The following ROS1 variants were observed in gnomAD, a reference collection of about 807,000 sequenced individuals.
ROS1 encodes proto-oncogene tyrosine-protein kinase ROS.
In ROS1, 263 loss-of-function variants were observed where a neutral mutation model predicts 273.5. That is an observed-to-expected ratio of 0.96 (90% CI 0.87 to 1.06). ROS1 has a LOEUF of 1.06. Among genes scored for constraint, ROS1 ranks in the 50% least tolerant of loss-of-function variants. The pLI is 0.00. For missense variants in ROS1, 2,833 were observed against 2,751.1 expected (o/e 1.03, Z -0.67); for synonymous variants, 1,008 against 954.1 (o/e 1.06, Z -1.04).
chr6:117,292,070 C>T (rs1052143554), intron 43 of ROS1, among the ~76,000 whole-genome samples: 12 of 151,760 alleles, frequency 7.9e-5, no homozygotes, highest in African/African-American at 2.2e-4. Context: ...CCCAGGTTCA[C>T]GCCATTCTCC....
intron 18 of ROS1, among the ~76,000 whole-genome samples, chr6:117,373,352 C>T (rs1343850581): frequency 6.6e-6 from 1 of 152,240 alleles, no homozygotes; most frequent in African/African-American, 2.4e-5. Context: ...CGGCACCCAT[C>T]AGGGAGGCTC....
At position 117,416,335 on chromosome 6, in the gene ROS1, A is replaced by G. The variant is rs1582898599; in HGVS notation, c.169-18T>C. 1 of 1,549,998 alleles carries G rather than the reference A, an allele frequency of 6.5e-7. No homozygotes were observed. The highest frequency in any genetic ancestry group is 2.2e-5 in the East Asian group (1 of 44,576). On this transcript the variant is annotated intron_variant, in intron 2 of 43. Transcript: ENST00000368507. ...TGGATACACTGCAAGAGACAATAAC[A>G]GACAATGGTGAGTGATTGAAGAAAT...
intron 3 of ROS1, among the ~76,000 whole-genome samples, chr6:117,415,952 G>A (rs144046666): frequency 1.3e-5 from 2 of 152,228 alleles, no homozygotes; most frequent in South Asian, 2.1e-4. Flanking sequence ...ATAGGCCTAG[G>A]AAATTTAACA....
At chr6:117,293,727 T>C (rs1296462816) in intron 43 of ROS1, among the ~76,000 whole-genome samples, 3 of 152,160 alleles carry the variant, frequency 2.0e-5, no homozygotes, top group Non-Finnish European at 4.4e-5. Flanking sequence ...TAAAATAACA[T>C]AAAAATTGTT....
At position 117,389,663 on chromosome 6, in the gene ROS1, C is replaced by T; in HGVS notation, c.1473G>A (p.Leu491=). ...GGATGAGATGGGAAGCAGAGCCATC[C>T]AGAAATGTTGACATGAAGACTTGGG... is the stretch of plus-strand genomic sequence containing the variant. The part of the protein sequence containing the change: ...DTAQVFMSTF[L]DGSASHLILP... Residue 491 remains leucine, a synonymous_variant, in exon 13 of 44, where the codon CTG becomes CTA. Transcript: ENST00000368507. 2.5e-6 allele frequency: 4 copies of T among 1,614,160 alleles called. No individual in the cohort carries two copies. Among genetic ancestry groups the T allele is most frequent in the Non-Finnish European group, 3.4e-6 (4 of 1,180,026 alleles).
intron 6 of ROS1, among the ~76,000 whole-genome samples, chr6:117,403,627 A>G (rs1008268051): frequency 1.3e-5 from 2 of 151,856 alleles, no homozygotes; most frequent in Non-Finnish European, 2.9e-5. Context: ...CGTACTTCTG[A>G]ATTGCTACAA....
At chr6:117,348,962 A>G (rs1289090242) in intron 27 of ROS1, among the ~76,000 whole-genome samples, 1 of 151,928 alleles carries the variant, frequency 6.6e-6, no homozygotes, top group African/African-American at 2.4e-5. Context: ...TATGATTTCT[A>G]TTCTTTTAAA....
rs757999436 is a variant in ROS1 at position 117,365,743 on chromosome 6, T to C, written c.2798-2A>G. 1.3e-6 allele frequency: 2 copies of C among 1,544,176 alleles called. No homozygotes were observed. Among genetic ancestry groups the C allele is most frequent in the African/African-American group, 1.4e-5 (1 of 71,844 alleles). ...CCTTAGGGGTAAAGGAAAAGTTCCC[T>C]ACAGGATGAAACAAAAAAAAGAAAT... On this transcript the variant is annotated splice_acceptor_variant, in intron 19 of 43. Coordinates refer to ENST00000368507, the MANE Select transcript of ROS1 (RefSeq NM_001378902.1). LOFTEE classifies it high-confidence loss of function.
intron 36 of ROS1, among the ~76,000 whole-genome samples, chr6:117,320,940 A>G (rs997077563): frequency 6.6e-6 from 1 of 152,006 alleles, no homozygotes; most frequent in African/African-American, 2.4e-5. Context: ...TCTCCTCTCA[A>G]ACACTGCCTC....
intron 4 of ROS1, among the ~76,000 whole-genome samples, chr6:117,410,902 C>T (rs945844825): frequency 2.0e-5 from 3 of 152,102 alleles, no homozygotes; most frequent in South Asian, 2.1e-4. Context: ...GTATACGTTT[C>T]GCATCCTGTT....
intron 3 of ROS1, among the ~76,000 whole-genome samples, chr6:117,414,756 C>G (rs1168675976): frequency 1.3e-5 from 2 of 152,162 alleles, no homozygotes; most frequent in Non-Finnish European, 2.9e-5. Context: ...GTTTGCATCA[C>G]TGGAAAAATG....
At chr6:117,384,462 T>C (rs1459987470) in intron 16 of ROS1, among the ~76,000 whole-genome samples, 2 of 152,200 alleles carry the variant, frequency 1.3e-5, no homozygotes, top group African/African-American at 2.4e-5. Flanking sequence ...GTCGGCTATT[T>C]GTTTTATATT....
rs974400710 is a variant in ROS1 at position 117,310,946 on chromosome 6, T to C, written c.6215+74A>G. On this transcript the variant is annotated intron_variant, in intron 40 of 43. Transcript: ENST00000368507. ...GGAATTAAAATGTTTAATTATCTTGTGTGCTTTACCTGCACTACAGGTGAT... is the reference window on the plus strand; with the variant it reads ...GGAATTAAAATGTTTAATTATCTTGCGTGCTTTACCTGCACTACAGGTGAT... The C allele has an allele frequency of 7.2e-6, 6 of 835,700 alleles. No individual in the cohort carries two copies. The South Asian group carries it at 8.1e-5, about 11-fold the overall frequency. 51.8% of individuals were successfully genotyped at this position (835,700 alleles called of 1,614,324 possible).
At position 117,425,727 on chromosome 6, in the gene ROS1, C is replaced by T. The variant is rs1776090440; in HGVS notation, c.-71G>A. On this transcript the variant is annotated 5_prime_UTR_variant, in exon 1 of 44. Coordinates refer to ENST00000368507, the MANE Select transcript of ROS1 (RefSeq NM_001378902.1). ...CATTTTGCTATATGAATTATTTGGG[C>T]TTCATCACTTCAATTGGAGGAGTAG... 2 of 1,509,900 alleles carry T rather than the reference C, an allele frequency of 1.3e-6. No individual in the cohort carries two copies. The highest frequency in any genetic ancestry group is 1.8e-6 in the Non-Finnish European group (2 of 1,100,554). The allele number at this position is 1,509,900 out of a possible 1,614,324, so 93.5% of individuals were successfully genotyped here.
Position 117,342,471 on chromosome 6 carries a change from T to G in ROS1, c.4580A>C (p.Lys1527Thr). The change falls in exon 29 of 44, where the codon AAA (lysine) becomes ACA (threonine). Residue 1527 changes from lysine (K) to threonine (T), a missense_variant. Lys to Thr is a moderately conservative substitution (Grantham distance 78). Transcript: ENST00000368507. ...FSTYMIQIAVKNYYSDPLEHL... is the reference protein window; with the variant it reads ...FSTYMIQIAVTNYYSDPLEHL... ...TTCCAAAGGATCTGAATAATAATTT[T>G]TTACAGCTATCTGTATCATGTATGT... 2 of 1,608,602 alleles carry G rather than the reference T, an allele frequency of 1.2e-6. No homozygotes were observed. The highest frequency in any genetic ancestry group is 1.7e-6 in the Non-Finnish European group (2 of 1,175,654).
chr6:117,389,215 T>G, intron 13 of ROS1, 135 bp downstream of exon 13: 1 of 998,198 alleles, frequency 1.0e-6, no homozygotes, highest in Non-Finnish European at 1.5e-6. Flanking sequence ...ACTTTTTTTT[T>G]AGCTAAGTAG....
intron 32 of ROS1, among the ~76,000 whole-genome samples, chr6:117,336,494 A>G (rs1250883429): frequency 2.0e-5 from 3 of 152,118 alleles, no homozygotes; most frequent in Non-Finnish European, 4.4e-5. Context: ...CCTGCAAAAA[A>G]ACATTATCTC....
At chr6:117,410,754 A>T (rs1301077319) in intron 4 of ROS1, among the ~76,000 whole-genome samples, 1 of 152,206 alleles carries the variant, frequency 6.6e-6, no homozygotes, top group Non-Finnish European at 1.5e-5. Flanking sequence ...AAGAAGAGCT[A>T]TAACTTGCAA....
In ROS1 at chr6:117,303,172, C is replaced by A. The variant is rs144041729; in HGVS notation, c.6552-2035G>T. ...CTTATTATAAACAAGTACTTGCTCT[C>A]ATTTTTTACTTTCTGGAGCTATATG... On this transcript the variant is annotated intron_variant, in intron 42 of 43. Transcript: ENST00000368507. 2.0e-3 allele frequency among the ~76,000 whole-genome samples: 308 copies of A among 152,276 alleles called. 2 individuals are homozygous for A. The highest frequency in any genetic ancestry group is 7.2e-3 in the African/African-American group (300 of 41,570).
Sources: allele counts gnomAD v4.1 joint callset (sites outside exome capture counted in the v4.1 genomes callset), GRCh38; gene constraint gnomAD v4.1.1; transcripts MANE v1.5; gene names NCBI Gene and HGNC (gene_info 2026-07-23, HGNC 2026-07-21).